Variants in DOK6 observed in about 807,000 individuals in gnomAD.
The protein encoded by DOK6 is docking protein 6, also known as downstream of tyrosine kinase 6.
A neutral mutation model predicts 44.0 loss-of-function variants in DOK6; 22 were observed. The observed-to-expected ratio is 0.50, with a 90% confidence interval of 0.36 to 0.71. The LOEUF (loss-of-function observed/expected upper bound fraction) is 0.71. DOK6 is among the 30% of genes least tolerant of loss of function. DOK6 has a pLI of 0.00. For synonymous variants in DOK6, 166 were observed against 145.5 expected, an observed-to-expected ratio of 1.14 and a Z score of -1.01; for missense variants, 340 against 416.4, an observed-to-expected ratio of 0.82 and a Z score of 1.60.
intron 3 of DOK6, among the ~76,000 whole-genome samples, chr18:69,637,799 T>G (rs1288709327): frequency 6.6e-6 from 1 of 152,114 alleles, no homozygotes; most frequent in Non-Finnish European, 1.5e-5. Context: ...TAACATTGAG[T>G]TATATATTTA....
intron 7 of DOK6, among the ~76,000 whole-genome samples, chr18:69,815,398 C>T (rs574583406): frequency 5.3e-5 from 8 of 152,170 alleles, no homozygotes; most frequent in African/African-American, 9.6e-5. Flanking sequence ...AGAGGAAAAA[C>T]GTTAACTACA....
At chr18:69,694,799 G>A (rs1599267921) in intron 4 of DOK6, among the ~76,000 whole-genome samples, 1 of 151,978 alleles carries the variant, frequency 6.6e-6, no homozygotes, top group Non-Finnish European at 1.5e-5. Context: ...AGTACTTTTG[G>A]GTATTTGGGA....
chr18:69,628,471 C>G (rs1984611202), intron 3 of DOK6, among the ~76,000 whole-genome samples: 1 of 151,880 alleles, frequency 6.6e-6, no homozygotes, highest in Non-Finnish European at 1.5e-5. Context: ...GCCTGGGTGA[C>G]AGAGTAAGAC....
At chr18:69,677,003 G>C (rs1985936783) in intron 3 of DOK6, among the ~76,000 whole-genome samples, 1 of 152,084 alleles carries the variant, frequency 6.6e-6, no homozygotes, top group Non-Finnish European at 1.5e-5. Context: ...CAACGTCTTA[G>C]GTAATTGGAA....
chr18:69,565,600 C>T (rs1982958932), intron 2 of DOK6, among the ~76,000 whole-genome samples: 1 of 151,464 alleles, frequency 6.6e-6, no homozygotes, highest in African/African-American at 2.4e-5. Flanking sequence ...TCTCAAACTC[C>T]TGATCTCAAA....
chr18:69,654,024 C>G (rs73463991), intron 3 of DOK6, among the ~76,000 whole-genome samples: 1 of 151,776 alleles, frequency 6.6e-6, no homozygotes, highest in Non-Finnish European at 1.5e-5. Context: ...AGAATTGAGA[C>G]GTCTAAAAAA....
intron 7 of DOK6, among the ~76,000 whole-genome samples, chr18:69,809,565 GACAC>G (rs57753226): frequency 0.78 from 114,117 of 146,160 alleles, 47,836 homozygotes; most frequent in East Asian, 0.97. Flanking sequence ...CACACACACA[GACAC>G]ACACACACAC....
intron 1 of DOK6, among the ~76,000 whole-genome samples, chr18:69,487,225 GTC>G (rs930339835): frequency 1.8e-3 from 261 of 148,958 alleles, no homozygotes; most frequent in African/African-American, 3.8e-3. Context: ...GTGTGTGTCT[GTC>G]TGTGTGTGTG....
chr18:69,794,122 ATCC>A (rs2145099962), intron 7 of DOK6, among the ~76,000 whole-genome samples: 1 of 152,254 alleles, frequency 6.6e-6, no homozygotes, highest in East Asian at 1.9e-4. Flanking sequence ...TTATGAAATA[ATCC>A]TGTTATGTGT....
chr18:69,751,832 C>T (rs764913852), intron 6 of DOK6, among the ~76,000 whole-genome samples: 6 of 151,028 alleles, frequency 4.0e-5, no homozygotes, highest in Non-Finnish European at 5.9e-5. Context: ...AATGAGATCT[C>T]GTCTCTACAA....
intron 3 of DOK6, among the ~76,000 whole-genome samples, chr18:69,637,796 G>T (rs1984843267): frequency 6.6e-6 from 1 of 151,666 alleles, no homozygotes; most frequent in Admixed American, 6.6e-5. Flanking sequence ...TATTAACATT[G>T]AGTTATATAT....
intron 1 of DOK6, among the ~76,000 whole-genome samples, chr18:69,417,158 T>C (rs1978362603): frequency 6.6e-6 from 1 of 152,128 alleles, no homozygotes; most frequent in East Asian, 1.9e-4. Flanking sequence ...TATTGAACTA[T>C]CAAACACTAG....
At chr18:69,544,431 G>A (rs922909790) in intron 1 of DOK6, among the ~76,000 whole-genome samples, 8 of 151,580 alleles carry the variant, frequency 5.3e-5, no homozygotes, top group African/African-American at 1.9e-4. Flanking sequence ...GTTAAAAAGA[G>A]GAGTGAATGA....
intron 2 of DOK6, among the ~76,000 whole-genome samples, chr18:69,590,571 C>T (rs1983600197): frequency 6.6e-6 from 1 of 152,042 alleles, no homozygotes; most frequent in African/African-American, 2.4e-5. Context: ...ATTAGATGTG[C>T]AGGTAGCAAC....
chr18:69,412,984 G>A (rs2122393234), intron 1 of DOK6, among the ~76,000 whole-genome samples: 2 of 152,252 alleles, frequency 1.3e-5, no homozygotes, highest in South Asian at 4.1e-4. Context: ...TGACACAGAA[G>A]TAGAAACAAT....
chr18:69,794,420 A>G (rs778089662), intron 7 of DOK6, among the ~76,000 whole-genome samples: 4 of 152,194 alleles, frequency 2.6e-5, no homozygotes, highest in Non-Finnish European at 4.4e-5. Flanking sequence ...TTTTTTAACC[A>G]TTATGATTTT....
chr18:69,695,544 CA>C (rs1238464342), intron 4 of DOK6, among the ~76,000 whole-genome samples: 1 of 152,148 alleles, frequency 6.6e-6, no homozygotes, highest in South Asian at 2.1e-4. Context: ...ACAAATTTTT[CA>C]GTAAAACAAA....
intron 7 of DOK6, among the ~76,000 whole-genome samples, chr18:69,807,239 A>G (rs1316161845): frequency 6.6e-6 from 1 of 151,878 alleles, no homozygotes; most frequent in Non-Finnish European, 1.5e-5. Context: ...TAACTATAAG[A>G]TGTTTCCTAT....
At chr18:69,607,785 C>A (rs544563248) in intron 3 of DOK6, among the ~76,000 whole-genome samples, 6 of 152,220 alleles carry the variant, frequency 3.9e-5, no homozygotes, top group African/African-American at 1.4e-4. Flanking sequence ...TAAAACACGA[C>A]AACTGATACA....
Sources: allele counts gnomAD v4.1 joint callset (sites outside exome capture counted in the v4.1 genomes callset), GRCh38; gene constraint gnomAD v4.1.1; transcripts MANE v1.5; gene names NCBI Gene and HGNC (gene_info 2026-07-23, HGNC 2026-07-21).